CPSF7: variants seen among roughly 807,000 people sequenced by gnomAD.
CPSF7 encodes cleavage and polyadenylation specificity factor subunit 7.
CPSF7 carries 1 observed loss-of-function variant against 44.3 expected under a neutral mutation model. The observed-to-expected ratio is 0.02, with a 90% CI of 0.01 to 0.11. CPSF7 has a LOEUF of 0.11. CPSF7 is among the 10% of genes least tolerant of loss of function. CPSF7 has a pLI of 1.00. For synonymous variants in CPSF7, 202 were observed against 222.0 expected (o/e 0.91, Z 0.80); for missense variants, 443 against 607.2 (o/e 0.73, Z 2.84).
At chr11:61,412,105 AT>A (rs1446700576) in intron 7 of CPSF7, among the ~76,000 whole-genome samples, 168 bp from the exon 8 acceptor site, 1 of 152,190 alleles carries the variant, frequency 6.6e-6, no homozygotes, top group Admixed American at 6.5e-5. Context: ...TGACACCTAT[AT>A]TCCAGCAGTT....
At chr11:61,425,336 A>C (rs1317180555) in intron 2 of CPSF7, among the ~76,000 whole-genome samples, 1 of 152,262 alleles carries the variant, frequency 6.6e-6, no homozygotes, top group African/African-American at 2.4e-5. Flanking sequence ...GCAGTAATAG[A>C]TTAAAGTAAA....
intron 5 of CPSF7, among the ~76,000 whole-genome samples, chr11:61,418,713 C>T (rs1565110805): frequency 6.6e-6 from 1 of 150,466 alleles, no homozygotes; most frequent in Non-Finnish European, 1.5e-5. Flanking sequence ...TCTGAGGTAA[C>T]TTTCTTTTTT....
intron 9 of CPSF7, among the ~76,000 whole-genome samples, chr11:61,408,892 A>G (rs199958886): frequency 6.6e-6 from 1 of 152,234 alleles, no homozygotes; most frequent in African/African-American, 2.4e-5. Context: ...AAAGAAAATT[A>G]CAGCCAGTCG....
chr11:61,429,419 T>TCCGCC (rs1380762603), intron 1 of CPSF7, 129 bp from the exon 2 acceptor site: 2 of 581,874 alleles, frequency 3.4e-6, no homozygotes, highest in Non-Finnish European at 6.0e-6. Context: ...CCCCACCCGC[T>TCCGCC]CCGCCCCGCC....
chr11:61,423,278 T>C (rs543419452), intron 2 of CPSF7, among the ~76,000 whole-genome samples: 35 of 151,326 alleles, frequency 2.3e-4, no homozygotes, highest in African/African-American at 8.0e-4. Context: ...GTTCAAGTGA[T>C]TCTCCTGCCT....
intron 4 of CPSF7, 115 bp from the exon 5 acceptor site, chr11:61,420,209 T>C (rs1860736950): frequency 3.7e-6 from 3 of 815,554 alleles, no homozygotes; most frequent in Non-Finnish European, 5.8e-6. Context: ...CTTGCTAAAC[T>C]AAACACACAT....
At chr11:61,424,358 G>A (rs1203919453) in intron 2 of CPSF7, among the ~76,000 whole-genome samples, 1 of 152,184 alleles carries the variant, frequency 6.6e-6, no homozygotes, top group Non-Finnish European at 1.5e-5. Flanking sequence ...CAGGTATGGT[G>A]AGTTGCTCCT....
rs1859878725 is a variant in CPSF7 at position 61,411,863 on chromosome 11, C to T, written c.1132G>A (p.Glu378Lys). 6.2e-7 allele frequency: 1 copy of T among 1,614,038 alleles called. No individual in the cohort carries two copies. Among genetic ancestry groups the T allele is most frequent in the Admixed American group, 1.7e-5 (1 of 60,008 alleles). ...VIKQSRVANDERCRVLISSLK... is the reference protein window; with the variant it reads ...VIKQSRVANDKRCRVLISSLK... ...GAGGAGATGAGGACACGGCAACGCTCATCATTGGCAACCCGGGACTGTTTG... is the reference window on the plus strand; with the variant it reads ...GAGGAGATGAGGACACGGCAACGCTTATCATTGGCAACCCGGGACTGTTTG... The change falls in exon 8 of 10, where the codon GAG (glutamate) becomes AAG (lysine). Residue 378 changes from glutamate (E) to lysine (K), a missense_variant. Physicochemically the swap from Glu to Lys is moderately conservative, Grantham distance 56. Coordinates refer to ENST00000439958, the MANE Select transcript of CPSF7 (RefSeq NM_001142565.3).
intron 7 of CPSF7, 65 bp from the exon 8 acceptor site, chr11:61,412,002 G>A (rs1859896035): frequency 1.4e-6 from 2 of 1,442,146 alleles, no homozygotes; most frequent in African/African-American, 1.4e-5. Context: ...GGACCAAAAG[G>A]AGAACTCAGG....
chr11:61,428,933 T>G (rs978832035), intron 2 of CPSF7: 3 of 292,742 alleles, frequency 1.0e-5, no homozygotes, highest in Non-Finnish European at 1.9e-5. Flanking sequence ...CACAGGTTGA[T>G]TCACCATTCT....
chr11:61,429,406 C>G (rs1208709015), intron 1 of CPSF7, 116 bp from the exon 2 acceptor site: 1 of 628,154 alleles, frequency 1.6e-6, no homozygotes, highest in Admixed American at 2.6e-5. Flanking sequence ...GGCCCCAGCT[C>G]GGCCCCACCC....
intron 2 of CPSF7, among the ~76,000 whole-genome samples, chr11:61,428,061 G>A (rs909161620): frequency 6.6e-5 from 10 of 152,196 alleles, no homozygotes; most frequent in African/African-American, 2.2e-4. Flanking sequence ...ACATAGAATG[G>A]TGCTGAAAAT....
chr11:61,429,790 G>A lies in CPSF7; in HGVS notation c.-56+124C>T. Reference sequence around the variant, plus strand: ...GCGCGCTCTGCCTCCTCCCTCAAAAGGCCCGCGACTCCCTCCGCCCGCAGA... The same window carrying A: ...GCGCGCTCTGCCTCCTCCCTCAAAAAGCCCGCGACTCCCTCCGCCCGCAGA... On this transcript the variant is annotated intron_variant, in intron 1 of 9. Coordinates refer to ENST00000439958, the MANE Select transcript of CPSF7 (RefSeq NM_001142565.3). 27 of 1,547,406 alleles carry A rather than the reference G, an allele frequency of 1.7e-5. No individual in the cohort carries two copies. Among genetic ancestry groups the A allele is most frequent in the Non-Finnish European group, 2.4e-5 (27 of 1,146,110 alleles).
rs575682467 is a variant in CPSF7, at chr11:61,402,880, T to C, written c.*1830A>G. ...GGAAATAAAACTAAAAATGGTGTCA[T>C]TGAGTAAAAACAAAACAAATGGGGA... On this transcript the variant is annotated 3_prime_UTR_variant, in exon 10 of 10. Coordinates refer to ENST00000439958, the MANE Select transcript of CPSF7 (RefSeq NM_001142565.3). 3.9e-5 allele frequency: 6 copies of C among 152,620 alleles called. No individual in the cohort carries two copies. In the East Asian group the frequency reaches 1.2e-3, roughly 29 times the overall value. 9.5% of individuals were successfully genotyped at this position (152,620 alleles called of 1,614,324 possible).
intron 9 of CPSF7, 130 bp downstream of exon 9, chr11:61,410,808 A>T: frequency 1.1e-6 from 1 of 931,886 alleles, no homozygotes; most frequent in Non-Finnish European, 1.6e-6. Context: ...CTGAAATTCC[A>T]GTTATGTAAA....
intron 3 of CPSF7, 158 bp downstream of exon 3, chr11:61,421,232 A>T: frequency 9.7e-7 from 1 of 1,027,586 alleles, no homozygotes; most frequent in Non-Finnish European, 1.5e-6. Context: ...TCCTCAGGAT[A>T]GTTCTCTTTC....
At position 61,403,762 on chromosome 11, in the gene CPSF7, C is replaced by G. The variant is rs1487184755; in HGVS notation, c.*948G>C. On this transcript the variant is annotated 3_prime_UTR_variant, in exon 10 of 10. Transcript: ENST00000439958. ...CCAACTTGCTTCTTTCCCCATTCCTCCTGGTTACTTCACAAGGGTTCTTCA... is the reference window on the plus strand; with the variant it reads ...CCAACTTGCTTCTTTCCCCATTCCTGCTGGTTACTTCACAAGGGTTCTTCA... The G allele has an allele frequency of 6.6e-6, 1 of 152,328 alleles. No individual in the cohort carries two copies. The highest frequency in any genetic ancestry group is 1.5e-5 in the Non-Finnish European group (1 of 68,076). 9.4% of individuals were successfully genotyped at this position (152,328 alleles called of 1,614,324 possible).
At position 61,416,200 on chromosome 11, in the gene CPSF7, G is replaced by A. The variant is rs1364498352; in HGVS notation, c.843C>T (p.His281=). The A allele has an allele frequency of 4.6e-6, 7 of 1,525,446 alleles. No homozygotes were observed. Among genetic ancestry groups the A allele is most frequent in the East Asian group, 2.3e-5 (1 of 43,992 alleles). 94.5% of individuals were successfully genotyped at this position (1,525,446 alleles called of 1,614,324 possible). The change falls in exon 6 of 10, where the codon CAC becomes CAT. Residue 281 remains histidine (H), a synonymous_variant. Coordinates refer to ENST00000439958, the MANE Select transcript of CPSF7 (RefSeq NM_001142565.3). ...PPPGAIPPAL[H]LNPAFFPPPN... ...GTGGGGGGAAGAAGGCTGGATTGAGGTGAAGGGCAGGTGGGATGGCCCCAG... is the reference window on the plus strand; with the variant it reads ...GTGGGGGGAAGAAGGCTGGATTGAGATGAAGGGCAGGTGGGATGGCCCCAG...
At chr11:61,427,368 A>T (rs1861466409) in intron 2 of CPSF7, 1 of 152,072 alleles carries the variant, frequency 6.6e-6, no homozygotes, top group African/African-American at 2.4e-5. Context: ...AAACTAAAAA[A>T]TTTTTTCGCC....
Sources: allele counts gnomAD v4.1 joint callset (sites outside exome capture counted in the v4.1 genomes callset), GRCh38; gene constraint gnomAD v4.1.1; transcripts MANE v1.5; gene names NCBI Gene and HGNC (gene_info 2026-07-23, HGNC 2026-07-21).